SYN2: variants seen among roughly 807,000 people sequenced by gnomAD.
SYN2 encodes the protein synapsin II.
Under a neutral mutation model 50.9 loss-of-function variants are expected in SYN2, and 19 were observed. The ratio of observed to expected loss-of-function variants is 0.37; its 90% confidence interval spans 0.26 to 0.55. The LOEUF (loss-of-function observed/expected upper bound fraction) is 0.55. Among genes scored for constraint, SYN2 ranks in the 20% least tolerant of loss-of-function variants. The pLI, the probability that SYN2 is intolerant of heterozygous loss-of-function variation, is 0.81. For missense variants in SYN2, 587 were observed against 576.4 expected, an observed-to-expected ratio of 1.02 and a Z score of -0.19; for synonymous variants, 255 against 224.9, an observed-to-expected ratio of 1.13 and a Z score of -1.20.
intron 11 of SYN2, among the ~76,000 whole-genome samples, chr3:12,186,766 T>C (rs2124840548): frequency 6.6e-6 from 1 of 152,288 alleles, no homozygotes; most frequent in South Asian, 2.1e-4. Context: ...ATCGAGGTGA[T>C]CATAAGGTAC....
chr3:12,103,498 C>G (rs1372641036), intron 1 of SYN2, among the ~76,000 whole-genome samples: 2 of 152,292 alleles, frequency 1.3e-5, no homozygotes, highest in African/African-American at 4.8e-5. Flanking sequence ...AGCCTTGCAT[C>G]TCAGTAGCAT....
chr3:12,125,075 C>T (rs998573297), intron 1 of SYN2, among the ~76,000 whole-genome samples: 1 of 151,358 alleles, frequency 6.6e-6, no homozygotes, highest in Non-Finnish European at 1.5e-5. Context: ...AGTGCAATGG[C>T]ACAATCTTGG....
intron 1 of SYN2, among the ~76,000 whole-genome samples, chr3:12,044,206 CA>C (rs766146495): frequency 2.4e-4 from 36 of 150,900 alleles, no homozygotes; most frequent in East Asian, 1.8e-3. Flanking sequence ...CACACACACA[CA>C]CACACACACA....
chr3:12,068,388 T>C (rs1695267898), intron 1 of SYN2, among the ~76,000 whole-genome samples: 1 of 152,190 alleles, frequency 6.6e-6, no homozygotes, highest in Non-Finnish European at 1.5e-5. Flanking sequence ...GATGTTGATC[T>C]GTTCCCACCC....
intron 1 of SYN2, among the ~76,000 whole-genome samples, chr3:12,096,669 A>T (rs1292880752): frequency 6.6e-6 from 1 of 152,120 alleles, no homozygotes; most frequent in Non-Finnish European, 1.5e-5. Flanking sequence ...TATGAGAATG[A>T]TGTCTCCCCA....
chr3:12,162,703 G>A (rs1275271590), intron 7 of SYN2, among the ~76,000 whole-genome samples: 1 of 152,122 alleles, frequency 6.6e-6, no homozygotes, highest in African/African-American at 2.4e-5. Context: ...TCCCCAGACT[G>A]CCACAGCACA....
intron 10 of SYN2, among the ~76,000 whole-genome samples, chr3:12,172,197 A>T (rs1302096318): frequency 6.6e-6 from 1 of 152,226 alleles, no homozygotes; most frequent in African/African-American, 2.4e-5. Flanking sequence ...GTTACTTCCC[A>T]TCTCTAGACC....
chr3:12,187,583 A>G lies in SYN2; in HGVS notation c.1584A>G (p.Pro528=), dbSNP rs1412820411. 5 of 1,551,042 alleles carry G rather than the reference A, an allele frequency of 3.2e-6. No homozygotes were observed. The highest frequency in any genetic ancestry group is 4.4e-6 in the Non-Finnish European group (5 of 1,146,394). ...AEAQPPLAAP[P]QKPQPHPQLN... ...CCCAGCCACCCCTGGCTGCTCCACC[A>G]CAGAAGCCCCAGCCTCACCCACAGC... Residue 528 remains proline (P), a synonymous_variant, in exon 12 of 13, where the codon CCA becomes CCG. Coordinates refer to ENST00000621198, the MANE Select transcript of SYN2 (RefSeq NM_133625.6).
chr3:12,111,165 C>T (rs979373452), intron 1 of SYN2, among the ~76,000 whole-genome samples: 19 of 152,142 alleles, frequency 1.2e-4, no homozygotes, highest in African/African-American at 4.8e-5. Flanking sequence ...GTGCTGTTCT[C>T]ATGATAGTGA....
intron 1 of SYN2, among the ~76,000 whole-genome samples, chr3:12,083,235 C>T (rs889265517): frequency 6.6e-6 from 1 of 152,336 alleles, no homozygotes; most frequent in African/African-American, 2.4e-5. Context: ...TGGTCTAGAA[C>T]TCCTGACCTC....
chr3:12,131,715 C>T (rs1229419924), intron 1 of SYN2, among the ~76,000 whole-genome samples: 1 of 151,956 alleles, frequency 6.6e-6, no homozygotes, highest in African/African-American at 2.4e-5. Context: ...TAATTATTCC[C>T]CAAAATAGAG....
At chr3:12,113,453 G>C (rs1696367625) in intron 1 of SYN2, among the ~76,000 whole-genome samples, 2 of 152,020 alleles carry the variant, frequency 1.3e-5, no homozygotes, top group Admixed American at 1.3e-4. Context: ...AAAAAATTGA[G>C]GTACTATTCA....
chr3:12,124,535 A>G (rs1006883997), intron 1 of SYN2, among the ~76,000 whole-genome samples: 3 of 152,354 alleles, frequency 2.0e-5, no homozygotes, highest in Non-Finnish European at 4.4e-5. Flanking sequence ...ATTACTTGCA[A>G]TAAGAAATTT....
rs1474836111 is a variant in SYN2 at position 12,145,682 on chromosome 3, C to T, written c.531C>T (p.Ser177=). The T allele has an allele frequency of 5.6e-6, 9 of 1,613,804 alleles. No individual in the cohort carries two copies. The Admixed American group carries it at 1.0e-4, about 18-fold the overall frequency. The stretch of plus-strand genomic sequence containing the variant: ...CCTGCCTCTACCTTCTCACCAGGTC[C>T]TTCCGGCCAGACTTCGTGCTCATCC... ...VLRNGTKVVR[S]FRPDFVLIRQ... is the part of the protein sequence containing the mutation. The change falls in exon 4 of 13, where the codon TCC becomes TCT. Residue 177 remains serine, a synonymous_variant. Transcript: ENST00000621198.
At chr3:12,157,529 A>C in intron 5 of SYN2, 1 of 1,568,928 alleles carries the variant, frequency 6.4e-7, no homozygotes, top group Non-Finnish European at 8.8e-7. Flanking sequence ...TGGTGGGGGC[A>C]ATACACCTGA....
At chr3:12,171,577 T>C (rs941637640) in intron 10 of SYN2, among the ~76,000 whole-genome samples, 6 of 152,340 alleles carry the variant, frequency 3.9e-5, no homozygotes, top group East Asian at 1.9e-4. Flanking sequence ...TAAGTACTTA[T>C]AAAAGTGTAA....
chr3:12,094,319 A>C (rs574787505), intron 1 of SYN2, among the ~76,000 whole-genome samples: 129 of 152,322 alleles, frequency 8.5e-4, no homozygotes, highest in Middle Eastern at 3.4e-3. Context: ...AACAGGATGG[A>C]GGAAGGAGTG....
intron 7 of SYN2, among the ~76,000 whole-genome samples, chr3:12,163,543 T>C (rs556413490): frequency 1.3e-5 from 2 of 152,086 alleles, no homozygotes; most frequent in Non-Finnish European, 1.5e-5. Flanking sequence ...ACCCTCCTCC[T>C]CCAGACTCTG....
At chr3:12,183,757 T>A in intron 11 of SYN2, 1 of 1,138,770 alleles carries the variant, frequency 8.8e-7, no homozygotes, top group Non-Finnish European at 1.1e-6. Context: ...ATAGTGTTTT[T>A]AAAAGTAATA....
Sources: allele counts gnomAD v4.1 joint callset (sites outside exome capture counted in the v4.1 genomes callset), GRCh38; gene constraint gnomAD v4.1.1; transcripts MANE v1.5; gene names NCBI Gene and HGNC (gene_info 2026-07-23, HGNC 2026-07-21).